KDM4C: variants seen among roughly 807,000 people sequenced by gnomAD.
KDM4C encodes lysine demethylase 4C, also known as lysine-specific demethylase 4C.
Under a neutral mutation model 129.3 loss-of-function variants are expected in KDM4C, and 81 were observed. That is an observed-to-expected ratio of 0.63 (90% CI 0.52 to 0.75). The LOEUF (loss-of-function observed/expected upper bound fraction) is 0.75. Ranked by LOEUF, KDM4C falls within the 30% of genes least tolerant of loss-of-function variation. KDM4C has a pLI of 0.00. For missense variants in KDM4C, 1,457 were observed against 1,304.0 expected (o/e 1.12, Z -1.81); for synonymous variants, 573 against 456.1 (o/e 1.26, Z -3.26).
Position 6,981,066 on chromosome 9 carries a change from G to A in KDM4C, c.1063G>A (p.Glu355Lys). 6.2e-7 allele frequency: 1 copy of A among 1,613,448 alleles called. No homozygotes were observed. Among genetic ancestry groups the A allele is most frequent in the Non-Finnish European group, 8.5e-7 (1 of 1,179,686 alleles). Residue 355 changes from glutamate (E) to lysine (K), a missense_variant, in exon 9 of 22, where the codon GAA becomes AAA. Glu to Lys is a moderately conservative substitution (Grantham distance 56). Coordinates refer to ENST00000381309, the MANE Select transcript of KDM4C (RefSeq NM_015061.6). ...HTKPTPASTPEVKAWLQRRRK... is the reference protein window; with the variant it reads ...HTKPTPASTPKVKAWLQRRRK... ...GAAGCCTACTCCAGCATCCACCCCT[G>A]AAGTAAAAGCATGGCTGCAGAGGAG... is the stretch of plus-strand genomic sequence containing the variant.
chr9:6,748,704 T>C (rs878890505), intron 1 of KDM4C: 2 of 1,441,788 alleles, frequency 1.4e-6, no homozygotes, highest in East Asian at 2.3e-5. Flanking sequence ...TGATCATTTC[T>C]AGTTGGAGAC....
chr9:6,720,914 TC>T, exon 1 of KDM4C: 1 of 1,545,704 alleles, frequency 6.5e-7, no homozygotes, highest in Non-Finnish European at 8.8e-7. Context: ...GTTGGAGTGT[TC>T]TGCATTCATG....
intron 8 of KDM4C, among the ~76,000 whole-genome samples, chr9:6,959,011 A>G (rs1239429729): frequency 1.3e-5 from 2 of 152,216 alleles, no homozygotes; most frequent in African/African-American, 4.8e-5. Context: ...AGGAAATCAT[A>G]AAGTTCCTTT....
intron 17 of KDM4C, among the ~76,000 whole-genome samples, chr9:7,064,768 C>G (rs1386714209): frequency 1.3e-5 from 2 of 152,100 alleles, no homozygotes; most frequent in Non-Finnish European, 2.9e-5. Flanking sequence ...AGTTGTTTAA[C>G]AGAGTGCTCT....
intron 1 of KDM4C, among the ~76,000 whole-genome samples, chr9:6,746,659 C>T (rs558451298): frequency 6.6e-6 from 1 of 150,666 alleles, no homozygotes; most frequent in Non-Finnish European, 1.5e-5. Context: ...GTGGGAGGAT[C>T]GCTTGAGCCC....
At chr9:6,822,077 C>G (rs150102001) in intron 4 of KDM4C, among the ~76,000 whole-genome samples, 3 of 152,332 alleles carry the variant, frequency 2.0e-5, no homozygotes, top group South Asian at 4.1e-4. Context: ...AAAACCAAGA[C>G]TCTCAAAGGC....
At chr9:7,143,112 G>C (rs1841914873) in intron 19 of KDM4C, among the ~76,000 whole-genome samples, 1 of 152,142 alleles carries the variant, frequency 6.6e-6, no homozygotes, top group Non-Finnish European at 1.5e-5. Context: ...AGTCTCAGCT[G>C]TTCCAGTACC....
intron 8 of KDM4C, among the ~76,000 whole-genome samples, chr9:6,976,450 A>C (rs780706775): frequency 2.0e-5 from 3 of 152,220 alleles, no homozygotes; most frequent in Non-Finnish European, 2.9e-5. Flanking sequence ...ATATAGTACT[A>C]TTCAGAGGGC....
intron 17 of KDM4C, among the ~76,000 whole-genome samples, chr9:7,052,657 A>C (rs540465404): frequency 2.1e-4 from 32 of 152,170 alleles, no homozygotes; most frequent in Non-Finnish European, 3.8e-4. Context: ...TGCAGTACTC[A>C]TCTTGTTGGT....
chr9:7,147,856 C>A (rs1345262949), intron 19 of KDM4C, among the ~76,000 whole-genome samples: 1 of 152,232 alleles, frequency 6.6e-6, no homozygotes, highest in Non-Finnish European at 1.5e-5. Flanking sequence ...GTTGCTTTGC[C>A]AGCTGGAAAC....
At position 6,842,249 on chromosome 9, in the gene KDM4C, C is replaced by G. The variant is rs1056262734; in HGVS notation, c.436-7258C>G. The stretch of plus-strand genomic sequence containing the variant: ...AAAATTACTGTAATAAGTATGGACT[C>G]TTTAATGCCTGCTACATTTTTTGCA... On this transcript the variant is annotated intron_variant, in intron 4 of 21. Transcript: ENST00000381309. Among the ~76,000 whole-genome samples the G allele has an allele frequency of 2.7e-5, 4 of 150,244 alleles. No homozygotes were observed. In the South Asian group the frequency reaches 6.3e-4, roughly 24 times the overall value.
chr9:6,889,211 T>TTTTGTG (rs766335055), intron 7 of KDM4C, among the ~76,000 whole-genome samples: 1 of 61,616 alleles, frequency 1.6e-5, no homozygotes, highest in Non-Finnish European at 3.0e-5. Flanking sequence ...GGCCTTCTTT[T>TTTTGTG]TGTGTGTGTG....
chr9:7,014,915 AACACACACAC>A (rs55864882), intron 14 of KDM4C, among the ~76,000 whole-genome samples: 71 of 146,274 alleles, frequency 4.9e-4, no homozygotes, highest in East Asian at 1.0e-3. Flanking sequence ...GGCAATTTGT[AACACACACAC>A]ACACACACAC....
At chr9:6,871,623 A>G (rs1842833673) in intron 5 of KDM4C, among the ~76,000 whole-genome samples, 1 of 152,242 alleles carries the variant, frequency 6.6e-6, no homozygotes, top group Admixed American at 6.5e-5. Context: ...ACTTGAGGAT[A>G]TACAATGGTA....
At position 6,990,397 on chromosome 9, in the gene KDM4C, AT is replaced by A; in HGVS notation, c.1678-14del. ...TTTTTGATAATGGTATTTCTCCACCATTTTTGTTCTATAACTAGATAGCAGA... is the reference window on the plus strand; with the variant it reads ...TTTTTGATAATGGTATTTCTCCACCATTTTGTTCTATAACTAGATAGCAGA... On this transcript the variant is annotated intron_variant, in intron 11 of 21. Transcript: ENST00000381309. The A allele has an allele frequency of 3.3e-6, 5 of 1,521,028 alleles. No individual in the cohort carries two copies. Among genetic ancestry groups the A allele is most frequent in the Non-Finnish European group, 3.6e-6 (4 of 1,097,806 alleles). 94.2% of individuals were successfully genotyped at this position (1,521,028 alleles called of 1,614,324 possible).
chr9:6,873,463 C>T (rs1308502777), intron 5 of KDM4C, among the ~76,000 whole-genome samples: 1 of 152,182 alleles, frequency 6.6e-6, no homozygotes, highest in African/African-American at 2.4e-5. Context: ...TAATTTGCTG[C>T]AATGTCTATT....
intron 17 of KDM4C, among the ~76,000 whole-genome samples, chr9:7,067,761 C>A (rs1832633829): frequency 6.6e-6 from 1 of 152,090 alleles, no homozygotes; most frequent in African/African-American, 2.4e-5. Flanking sequence ...TGCCACTTCA[C>A]AGAAGTAATC....
chr9:7,085,155 C>G (rs531100735), intron 17 of KDM4C, among the ~76,000 whole-genome samples: 3 of 152,162 alleles, frequency 2.0e-5, no homozygotes, highest in African/African-American at 7.2e-5. Flanking sequence ...AGTGGCAAGG[C>G]AGAATGAAAC....
At chr9:6,777,312 G>T (rs1471437892) in intron 1 of KDM4C, among the ~76,000 whole-genome samples, 1 of 152,154 alleles carries the variant, frequency 6.6e-6, no homozygotes, top group Non-Finnish European at 1.5e-5. Context: ...CTCAGTAACT[G>T]CTAGGTTTTA....
Sources: gnomAD v4.1 joint callset for allele counts (sites outside exome capture counted in the v4.1 genomes callset) on GRCh38, gnomAD v4.1.1 for gene constraint, MANE v1.5 for transcripts, NCBI Gene and HGNC (gene_info 2026-07-23, HGNC 2026-07-21) for gene names.